The following PPFIBP2 variants were observed in gnomAD, a reference collection of about 807,000 sequenced individuals.
PPFIBP2 encodes the protein PPFIB scaffold protein 2.
PPFIBP2 carries 118 observed loss-of-function variants against 118.3 expected under a neutral mutation model. The observed-to-expected ratio is 1.00, with a 90% CI of 0.86 to 1.16. The LOEUF (loss-of-function observed/expected upper bound fraction) is 1.16, where lower values mean the gene tolerates loss of function less well. Ranked by LOEUF, PPFIBP2 falls within the 50% of genes most tolerant of loss-of-function variation. PPFIBP2 has a pLI of 0.00. For missense variants in PPFIBP2, 1,195 were observed against 1,073.1 expected (o/e 1.11, Z -1.59); for synonymous variants, 414 against 397.4 (o/e 1.04, Z -0.50).
At chr11:7,589,806 T>C (rs1858911231) in intron 3 of PPFIBP2, among the ~76,000 whole-genome samples, 1 of 152,210 alleles carries the variant, frequency 6.6e-6, no homozygotes, top group African/African-American at 2.4e-5. Context: ...CCTGGAATCA[T>C]GCAGGGATCC....
intron 3 of PPFIBP2, chr11:7,577,340 T>C (rs921352615): frequency 1.1e-4 from 37 of 333,792 alleles, no homozygotes; most frequent in African/African-American, 4.6e-4. Context: ...TGTGTGTGTG[T>C]GTGTGTGTGT....
chr11:7,662,476 C>T, the PPFIBP2 span, among the ~76,000 whole-genome samples: 6 of 151,670 alleles, frequency 4.0e-5, no homozygotes, highest in Admixed American at 1.3e-4. Flanking sequence ...AATATTGGCC[C>T]CCACTCTCTT....
intron 1 of PPFIBP2, among the ~76,000 whole-genome samples, chr11:7,516,957 TA>T (rs1849282192): frequency 6.6e-6 from 1 of 152,156 alleles, no homozygotes. Context: ...ACTTTCTCAA[TA>T]ACTACTTCAG....
At chr11:7,646,536 CAA>C (rs1853093098) in intron 17 of PPFIBP2, among the ~76,000 whole-genome samples, 1 of 152,164 alleles carries the variant, frequency 6.6e-6, no homozygotes, top group Non-Finnish European at 1.5e-5. Context: ...AAGAAGCAGT[CAA>C]AGAGTATCCA....
chr11:7,627,130 C>A (rs138505924), intron 8 of PPFIBP2, among the ~76,000 whole-genome samples: 127 of 152,322 alleles, frequency 8.3e-4, no homozygotes, highest in African/African-American at 3.0e-3. Flanking sequence ...ACAGTCTAAG[C>A]CTCCCAGGCC....
intron 15 of PPFIBP2, chr11:7,640,897 C>A: frequency 1.5e-6 from 1 of 650,664 alleles, no homozygotes; most frequent in Non-Finnish European, 2.4e-6. Flanking sequence ...GATTATTTTT[C>A]TTTCTGTTTG....
At chr11:7,577,171 C>A (rs974549324) in intron 3 of PPFIBP2, 1 of 164,066 alleles carries the variant, frequency 6.1e-6, no homozygotes. Context: ...GGTATTATCA[C>A]TGAGAATGGT....
chr11:7,538,891 C>T (rs1359175700), intron 1 of PPFIBP2, among the ~76,000 whole-genome samples: 1 of 152,160 alleles, frequency 6.6e-6, no homozygotes, highest in Non-Finnish European at 1.5e-5. Flanking sequence ...CTGAGCTTAA[C>T]TGACTAATCA....
In PPFIBP2 at chr11:7,577,306, C is replaced by CGTGCATGTAT. The variant is rs1404417999; in HGVS notation, c.279+11544_279+11553dup. The CGTGCATGTAT allele has an allele frequency of 3.3e-4, 74 of 226,840 alleles. 1 individual carries two copies. Among genetic ancestry groups the CGTGCATGTAT allele is most frequent in the Admixed American group, 2.8e-3 (55 of 19,660 alleles). 14.1% of individuals were successfully genotyped at this position (226,840 alleles called of 1,614,324 possible). A position where few individuals can be genotyped will look rare whatever the true frequency, so the allele number is the denominator to read the frequency against. On this transcript the variant is annotated intron_variant, in intron 3 of 23. Coordinates refer to ENST00000299492, the MANE Select transcript of PPFIBP2 (RefSeq NM_003621.5). The stretch of plus-strand genomic sequence containing the variant: ...CTGAATCCCAGTCCTGGTGCGTGTG[C>CGTGCATGTAT]GTGCATGTATGTGCGTGTGTGTGTG...
intron 3 of PPFIBP2, among the ~76,000 whole-genome samples, chr11:7,575,351 AG>A (rs1398314034): frequency 4.6e-5 from 7 of 152,290 alleles, no homozygotes; most frequent in African/African-American, 9.6e-5. Context: ...GTGCTCAGGA[AG>A]GGATAGAAGA....
At chr11:7,664,422 A>T in the PPFIBP2 span, among the ~76,000 whole-genome samples, 3 of 151,088 alleles carry the variant, frequency 2.0e-5, no homozygotes, top group Admixed American at 6.6e-5. Context: ...TGTGATGGAA[A>T]TACTCTGTGA....
chr11:7,628,102 A>G (rs571215323), intron 8 of PPFIBP2, among the ~76,000 whole-genome samples, 183 bp from the exon 9 acceptor site: 1 of 152,334 alleles, frequency 6.6e-6, no homozygotes, highest in African/African-American at 2.4e-5. Flanking sequence ...TCCTTCATTT[A>G]GTAGTCTAGC....
At chr11:7,603,374 T>G (rs1273773606) in intron 5 of PPFIBP2, among the ~76,000 whole-genome samples, 2 of 152,218 alleles carry the variant, frequency 1.3e-5, no homozygotes, top group South Asian at 4.1e-4. Context: ...GAGCCTGGCC[T>G]CAAACTCGAG....
At chr11:7,639,428 T>C (rs1851845614) in intron 14 of PPFIBP2, among the ~76,000 whole-genome samples, 1 of 152,216 alleles carries the variant, frequency 6.6e-6, no homozygotes, top group Admixed American at 6.5e-5. Context: ...CTCTGAGCAC[T>C]AGGCCAGACA....
At chr11:7,548,740 G>A (rs1050576616) in intron 1 of PPFIBP2, among the ~76,000 whole-genome samples, 2 of 152,304 alleles carry the variant, frequency 1.3e-5, no homozygotes, top group East Asian at 1.9e-4. Flanking sequence ...GCCGGACTGT[G>A]TATCCTTGGA....
chr11:7,621,073 T>C (rs763103869), intron 7 of PPFIBP2, 46 bp downstream of exon 7: 5 of 1,462,696 alleles, frequency 3.4e-6, no homozygotes, highest in Admixed American at 3.4e-5. Flanking sequence ...GAGGGCCTTG[T>C]GGGGAGGGTC....
At chr11:7,521,677 A>T (rs541847761) in intron 1 of PPFIBP2, among the ~76,000 whole-genome samples, 2 of 152,340 alleles carry the variant, frequency 1.3e-5, no homozygotes, top group Admixed American at 6.5e-5. Context: ...GAGCTGCTTT[A>T]GGGCTGTATC....
intron 1 of PPFIBP2, among the ~76,000 whole-genome samples, chr11:7,545,714 C>T (rs1179915930): frequency 1.3e-5 from 2 of 152,072 alleles, no homozygotes; most frequent in African/African-American, 2.4e-5. Context: ...TATTTGGTCT[C>T]CTTCCAGTTT....
In PPFIBP2 at chr11:7,567,608, C is replaced by A. The variant is rs140596789; in HGVS notation, c.279+1841C>A. On this transcript the variant is annotated intron_variant, in intron 3 of 23. Transcript: ENST00000299492. ...AGGGCTGCATGTTAAGGTTTTTATT[C>A]TGGACAGAGATAGCCTGTCTGTGTT... is the stretch of plus-strand genomic sequence containing the variant. Among the ~76,000 whole-genome samples, 795 of 152,324 alleles carry A rather than the reference C, an allele frequency of 5.2e-3. 6 individuals are homozygous for A. Among genetic ancestry groups the A allele is most frequent in the African/African-American group, 0.018 (754 of 41,552 alleles).
Sources: allele counts gnomAD v4.1 joint callset (sites outside exome capture counted in the v4.1 genomes callset), GRCh38; gene constraint gnomAD v4.1.1; transcripts MANE v1.5; gene names NCBI Gene and HGNC (gene_info 2026-07-23, HGNC 2026-07-21).